Variants in KIAA0825 observed in about 807,000 individuals in gnomAD.
KIAA0825 encodes KIAA0825, also known as uncharacterized protein KIAA0825.
A neutral mutation model predicts 147.6 loss-of-function variants in KIAA0825; 119 were observed. That is an observed-to-expected ratio of 0.81 (90% CI 0.69 to 0.94). The LOEUF (loss-of-function observed/expected upper bound fraction) is 0.94, where lower values mean the gene tolerates loss of function less well. KIAA0825 is among the 40% of genes least tolerant of loss of function. The pLI is 0.00. For missense variants in KIAA0825, 1,381 were observed against 1,472.7 expected (o/e 0.94, Z 1.02); for synonymous variants, 470 against 518.1 (o/e 0.91, Z 1.26).
At chr5:94,572,300 T>C (rs941366116) in intron 2 of KIAA0825, among the ~76,000 whole-genome samples, 4 of 152,232 alleles carry the variant, frequency 2.6e-5, no homozygotes, top group Admixed American at 2.6e-4. Context: ...TAACTGCTCA[T>C]GTCTGAGTGT....
intron 2 of KIAA0825, among the ~76,000 whole-genome samples, chr5:94,556,119 C>G (rs769816438): frequency 6.3e-4 from 96 of 151,240 alleles, no homozygotes; most frequent in Non-Finnish European, 1.2e-3. Flanking sequence ...GTGGTGCGAT[C>G]TCAGCTCACT....
intron 20 of KIAA0825, among the ~76,000 whole-genome samples, chr5:94,160,216 A>G (rs890520760): frequency 1.1e-4 from 17 of 152,018 alleles, no homozygotes; most frequent in Admixed American, 7.2e-4. Context: ...CCACATATCC[A>G]GTTGTTTTCT....
chr5:94,594,604 C>T, intron 1 of KIAA0825: 1 of 679,980 alleles, frequency 1.5e-6, no homozygotes, highest in Non-Finnish European at 2.7e-6. Flanking sequence ...TTTTTGGATT[C>T]AAAAGCATTT....
chr5:94,571,122 C>T (rs1026117432), intron 2 of KIAA0825, among the ~76,000 whole-genome samples: 5 of 152,072 alleles, frequency 3.3e-5, no homozygotes, highest in African/African-American at 1.2e-4. Context: ...TAGTTTTCCC[C>T]ACAGGTTCTA....
chr5:94,384,544 G>C, intron 19 of KIAA0825, 86 bp from the exon 20 acceptor site: 1 of 1,050,416 alleles, frequency 9.5e-7, no homozygotes, highest in Non-Finnish European at 1.4e-6. Context: ...AGCTGTGATA[G>C]ACTAACTAAG....
chr5:94,371,984 T>C (rs1746781151), intron 20 of KIAA0825, among the ~76,000 whole-genome samples: 2 of 152,162 alleles, frequency 1.3e-5, no homozygotes, highest in African/African-American at 4.8e-5. Flanking sequence ...TGAGAGAAAT[T>C]GGCCAAAACA....
In KIAA0825 at chr5:94,611,458, T is replaced by C. The variant is rs115678065; in HGVS notation, c.-153+7042A>G. 2.8e-3 allele frequency among the ~76,000 whole-genome samples: 419 copies of C among 152,120 alleles called. 1 individual carries two copies. The highest frequency in any genetic ancestry group is 9.4e-3 in the African/African-American group (390 of 41,504). The stretch of plus-strand genomic sequence containing the variant: ...CAAATTGATGGCTTATAACCTGCCA[T>C]TTGAAAAGCACTAAACTTATGGATC... On this transcript the variant is annotated intron_variant, in intron 1 of 20. Coordinates refer to ENST00000682413, the MANE Select transcript of KIAA0825 (RefSeq NM_001145678.3).
intron 14 of KIAA0825, among the ~76,000 whole-genome samples, chr5:94,420,165 A>G (rs771106584): frequency 6.6e-6 from 1 of 152,038 alleles, no homozygotes; most frequent in Non-Finnish European, 1.5e-5. Flanking sequence ...TGAGACTGCC[A>G]TGAGGAAGAT....
At position 94,520,249 on chromosome 5, in the gene KIAA0825, C is replaced by A. The variant is rs149370841; in HGVS notation, c.969G>T (p.Leu323Phe). 538 of 1,585,918 alleles carry A rather than the reference C, an allele frequency of 3.4e-4. 3 individuals are homozygous for A. In the African/African-American group the frequency reaches 6.5e-3, roughly 19 times the overall value. ...ACAAAAATTTTAAATGTCACTAACCCAAAGCATGCACTGCTCCTCTATGCT... is the reference window on the plus strand; with the variant it reads ...ACAAAAATTTTAAATGTCACTAACCAAAAGCATGCACTGCTCCTCTATGCT... ...SSKHRGAVHA[L>F]VTTECPQKGR... is the part of the protein sequence containing the mutation. The change falls in exon 5 of 21, where the codon TTG (leucine) becomes TTT (phenylalanine). Residue 323 changes from leucine to phenylalanine, a missense_variant and splice_region_variant. Leu to Phe is a conservative substitution (Grantham distance 22, BLOSUM62 0). Transcript: ENST00000682413.
Position 94,600,303 on chromosome 5 carries a change from T to C in KIAA0825, c.-152-17720A>G, listed in dbSNP as rs1786146294. 1.3e-5 allele frequency among the ~76,000 whole-genome samples: 2 copies of C among 152,100 alleles called. 1 individual carries two copies. Among genetic ancestry groups the C allele is most frequent in the South Asian group, 4.1e-4 (2 of 4,832 alleles). ...TTATAAACATTTCTTCCCTGTCCCA[T>C]CAGTGGGGATATTTCCTTAATAGCA... is the stretch of plus-strand genomic sequence containing the variant. On this transcript the variant is annotated intron_variant, in intron 1 of 20. Transcript: ENST00000682413.
intron 16 of KIAA0825, among the ~76,000 whole-genome samples, chr5:94,397,957 C>T (rs1750892333): frequency 6.6e-6 from 1 of 151,838 alleles, no homozygotes; most frequent in East Asian, 1.9e-4. Context: ...CCCTCCCATC[C>T]TTTCCTCCTT....
At chr5:94,196,457 T>A (rs1379988950) in intron 20 of KIAA0825, among the ~76,000 whole-genome samples, 3 of 152,030 alleles carry the variant, frequency 2.0e-5, no homozygotes, top group Non-Finnish European at 4.4e-5. Context: ...TGACGAAACT[T>A]CTTTTTTTTT....
chr5:94,183,099 AATG>A (rs1211226271), intron 20 of KIAA0825, among the ~76,000 whole-genome samples: 3 of 152,198 alleles, frequency 2.0e-5, no homozygotes. Context: ...TACAGCCAGA[AATG>A]AATCCTTTGG....
Position 94,520,507 on chromosome 5 carries a change from T to C in KIAA0825, c.711A>G (p.Leu237=). Residue 237 remains leucine, a synonymous_variant, in exon 5 of 21, where the codon TTA becomes TTG. Transcript: ENST00000682413. ...CFPSYNRDSN[L]DVIAHGYQST... The stretch of plus-strand genomic sequence containing the variant: ...TTTGATATCCATGAGCTATTACATC[T>C]AAATTTGAATCTCTGTTGTAAGAAG... 1 of 1,612,986 alleles carries C rather than the reference T, an allele frequency of 6.2e-7. No homozygotes were observed.
chr5:94,157,872 C>G (rs997272634), intron 20 of KIAA0825, among the ~76,000 whole-genome samples: 2 of 152,052 alleles, frequency 1.3e-5, no homozygotes, highest in Admixed American at 1.3e-4. Flanking sequence ...GAGGTATATC[C>G]TTGGTAGCAT....
chr5:94,527,420 T>G (rs909856306), intron 3 of KIAA0825, among the ~76,000 whole-genome samples: 2 of 152,022 alleles, frequency 1.3e-5, no homozygotes, highest in African/African-American at 4.8e-5. Flanking sequence ...GAAAAAAGTA[T>G]GTTCCATTGG....
intron 20 of KIAA0825, among the ~76,000 whole-genome samples, chr5:94,285,045 A>G (rs1212645743): frequency 6.6e-6 from 1 of 152,122 alleles, no homozygotes; most frequent in Non-Finnish European, 1.5e-5. Flanking sequence ...TGCATGAATA[A>G]TACAGAACAA....
Position 94,284,858 on chromosome 5 carries a change from T to C in KIAA0825, c.3710+99510A>G, listed in dbSNP as rs1365624210. On this transcript the variant is annotated intron_variant, in intron 20 of 20. Transcript: ENST00000682413. ...CTGCCACAGATCTCACTTAGATATG[T>C]AGAAACATTGTATCACTTTACTACA... 5.9e-5 allele frequency among the ~76,000 whole-genome samples: 9 copies of C among 152,294 alleles called. No homozygotes were observed. In the East Asian group the frequency reaches 1.4e-3, roughly 23 times the overall value.
At chr5:94,599,418 T>C (rs905553171) in intron 1 of KIAA0825, among the ~76,000 whole-genome samples, 2 of 129,806 alleles carry the variant, frequency 1.5e-5, no homozygotes, top group African/African-American at 6.1e-5. Context: ...ACAGGGAAAA[T>C]ATTAGTCTTC....
Sources: allele counts gnomAD v4.1 joint callset (sites outside exome capture counted in the v4.1 genomes callset), GRCh38; gene constraint gnomAD v4.1.1; transcripts MANE v1.5; gene names NCBI Gene and HGNC (gene_info 2026-07-23, HGNC 2026-07-21).